Variants in IFIT1 observed in about 807,000 individuals in gnomAD.
The protein encoded by IFIT1 is interferon induced protein with tetratricopeptide repeats 1, also known as antiviral innate immune response effector IFIT1.
In IFIT1, 1 loss-of-function variant was observed where a neutral mutation model predicts 2.5. The ratio of observed to expected loss-of-function variants is 0.40; its 90% CI spans 0.14 to 1.92. The LOEUF (loss-of-function observed/expected upper bound fraction) is 1.92, where lower values mean the gene tolerates loss of function less well. Ranked by LOEUF, IFIT1 falls within the 40% of genes most tolerant of loss-of-function variation. The pLI is 0.31. For missense variants in IFIT1, 508 were observed against 557.8 expected (o/e 0.91, Z 0.90); for synonymous variants, 191 against 201.7 (o/e 0.95, Z 0.45).
Position 89,399,617 on chromosome 10 carries a change from G to C in IFIT1, c.6-2664G>C, listed in dbSNP as rs541195168. On this transcript the variant is annotated intron_variant, in intron 1 of 1. Transcript: ENST00000371804. ...TATCCAGCTTTCCCACACATTTGTTGAAAAGACCATCCTTTCCCCATTAGA... is the reference window on the plus strand; with the variant it reads ...TATCCAGCTTTCCCACACATTTGTTCAAAAGACCATCCTTTCCCCATTAGA... Among the ~76,000 whole-genome samples, 257 of 151,716 alleles carry C rather than the reference G, an allele frequency of 1.7e-3. 2 individuals are homozygous for C. Among genetic ancestry groups the C allele is most frequent in the African/African-American group, 6.0e-3 (249 of 41,276 alleles).
At chr10:89,401,790 G>A (rs200623038) in intron 1 of IFIT1, among the ~76,000 whole-genome samples, 3 of 146,698 alleles carry the variant, frequency 2.0e-5, no homozygotes, top group Non-Finnish European at 1.5e-5. Flanking sequence ...AAAAAAAAAT[G>A]AAAAAAAAAA....
intron 1 of IFIT1, among the ~76,000 whole-genome samples, chr10:89,394,599 TA>T (rs763122646): frequency 0.16 from 4,490 of 27,774 alleles, 429 homozygotes; most frequent in African/African-American, 0.43. Flanking sequence ...TATATATATA[TA>T]TATATATATA....
At chr10:89,393,240 G>GGA in intron 1 of IFIT1, 1 of 1,289,782 alleles carries the variant, frequency 7.8e-7, no homozygotes, top group Non-Finnish European at 1.0e-6. Flanking sequence ...ATAGGCTTCT[G>GGA]GTCTCACTTT....
chr10:89,403,173 A>G lies in IFIT1; in HGVS notation c.898A>G (p.Ile300Val). 1.2e-6 allele frequency: 2 copies of G among 1,613,956 alleles called. No individual in the cohort carries two copies. Among genetic ancestry groups the G allele is most frequent in the South Asian group, 2.2e-5 (2 of 91,076 alleles). The change falls in exon 2 of 2, where the codon ATC (isoleucine) becomes GTC (valine). Residue 300 changes from isoleucine to valine, a missense_variant. By Grantham distance (29) the Ile-to-Val change is conservative. Coordinates refer to ENST00000371804, the MANE Select transcript of IFIT1 (RefSeq NM_001548.5). ...AGGGCTTTGCTACAAGGCACAAATG[A>G]TCCAAATCAAGGAGGCTACAAAAGG... Reference protein sequence around the residue: ...QIGLCYKAQMIQIKEATKGQP... With the variant: ...QIGLCYKAQMVQIKEATKGQP...
At chr10:89,399,205 A>G (rs1844387028) in intron 1 of IFIT1, among the ~76,000 whole-genome samples, 1 of 152,096 alleles carries the variant, frequency 6.6e-6, no homozygotes, top group Non-Finnish European at 1.5e-5. Context: ...TCCTTTGCCC[A>G]TTTCTTAATC....
intron 1 of IFIT1, among the ~76,000 whole-genome samples, chr10:89,394,577 AATATATATATATATATAT>A (rs200060906): frequency 0.039 from 4,214 of 108,656 alleles, 167 homozygotes; most frequent in Admixed American, 0.075. Flanking sequence ...ACTACAGGAA[AATATATATATATATATAT>A]ATATATATAT....
At chr10:89,395,471 C>G (rs1422276600) in intron 1 of IFIT1, among the ~76,000 whole-genome samples, 1 of 152,116 alleles carries the variant, frequency 6.6e-6, no homozygotes, top group African/African-American at 2.4e-5. Flanking sequence ...TCTGTTATTT[C>G]ACATACTATT....
At chr10:89,393,265 T>A in intron 1 of IFIT1, 1 of 1,289,682 alleles carries the variant, frequency 7.8e-7, no homozygotes, top group South Asian at 1.2e-5. Context: ...ACTGCTGGCC[T>A]CTTACAACAG....
chr10:89,400,975 G>A (rs1008907118), intron 1 of IFIT1, among the ~76,000 whole-genome samples: 25 of 151,876 alleles, frequency 1.6e-4, no homozygotes, highest in African/African-American at 6.1e-4. Context: ...TTCATAAAGG[G>A]TGTTGAATTT....
intron 1 of IFIT1, among the ~76,000 whole-genome samples, chr10:89,399,141 T>A (rs1844386231): frequency 1.3e-5 from 2 of 152,238 alleles, no homozygotes; most frequent in Admixed American, 6.5e-5. Flanking sequence ...TGAGCATCTT[T>A]GCATATGTTT....
Position 89,394,577 on chromosome 10 carries a change from A to AAT in IFIT1, c.5+1910_5+1911dup, listed in dbSNP as rs200060906. Among the ~76,000 whole-genome samples, 549 of 108,456 alleles carry AAT rather than the reference A, an allele frequency of 5.1e-3. 4 individuals are homozygous for AAT. The highest frequency in any genetic ancestry group is 7.5e-3 in the Non-Finnish European group (417 of 55,472). 71.2% of individuals were successfully genotyped at this position (108,456 alleles called of 152,430 possible). The stretch of plus-strand genomic sequence containing the variant: ...TTTATGTCAATATGTACTACAGGAA[A>AAT]ATATATATATATATATATATATATA... On this transcript the variant is annotated intron_variant, in intron 1 of 1. Coordinates refer to ENST00000371804, the MANE Select transcript of IFIT1 (RefSeq NM_001548.5).
chr10:89,393,685 G>A (rs1485595294), intron 1 of IFIT1, among the ~76,000 whole-genome samples: 1 of 152,184 alleles, frequency 6.6e-6, no homozygotes, highest in African/African-American at 2.4e-5. Context: ...AGCTGAGATT[G>A]TACCACTGCA....
In IFIT1 at chr10:89,399,871, C is replaced by G. The variant is rs569347983; in HGVS notation, c.6-2410C>G. Among the ~76,000 whole-genome samples the G allele has an allele frequency of 4.6e-5, 7 of 152,320 alleles. No individual in the cohort carries two copies. In the South Asian group the frequency reaches 1.5e-3, roughly 32 times the overall value. ...CCTTAGACACCAAAGCTCACTCTCT[C>G]TCTCTCTGTGCCACTGAGGAAAGGC... is the stretch of plus-strand genomic sequence containing the variant. On this transcript the variant is annotated intron_variant, in intron 1 of 1. Coordinates refer to ENST00000371804, the MANE Select transcript of IFIT1 (RefSeq NM_001548.5).
chr10:89,402,464 C>A lies in IFIT1; in HGVS notation c.189C>A (p.His63Gln), dbSNP rs201864858. 8.1e-6 allele frequency: 13 copies of A among 1,614,052 alleles called. No individual in the cohort carries two copies. The highest frequency in any genetic ancestry group is 1.7e-5 in the Admixed American group (1 of 60,002). Residue 63 changes from histidine to glutamine, a missense_variant, in exon 2 of 2, where the codon CAC (histidine) becomes CAA (glutamine). Coordinates refer to ENST00000371804, the MANE Select transcript of IFIT1 (RefSeq NM_001548.5). ...ACAACCTACTAGCCTATGTGAAACA[C>A]CTGAAAGGCCAGAATGAGGAAGCCC... is the stretch of plus-strand genomic sequence containing the variant. ...GIHNLLAYVK[H>Q]LKGQNEEALK...
At position 89,403,780 on chromosome 10, in the gene IFIT1, T is replaced by G; in HGVS notation, c.*68T>G. The G allele has an allele frequency of 1.2e-6, 1 of 844,182 alleles. No individual in the cohort carries two copies. 52.3% of individuals were successfully genotyped at this position (844,182 alleles called of 1,614,324 possible). ...GCTAACATTTACTAATCATCTTTTC[T>G]GCTTACTGTTTTCAGAAACATTATA... On this transcript the variant is annotated 3_prime_UTR_variant, in exon 2 of 2. Coordinates refer to ENST00000371804, the MANE Select transcript of IFIT1 (RefSeq NM_001548.5).
At position 89,402,318 on chromosome 10, in the gene IFIT1, G is replaced by A; in HGVS notation, c.43G>A (p.Glu15Lys). The change falls in exon 2 of 2, where the codon GAG becomes AAG. Residue 15 changes from glutamate (E) to lysine (K), a missense_variant. Coordinates refer to ENST00000371804, the MANE Select transcript of IFIT1 (RefSeq NM_001548.5). ...TGATCATCAGGTCAAGGATAGTCTG[G>A]AGCAATTGAGATGTCACTTTACATG... is the stretch of plus-strand genomic sequence containing the variant. The part of the protein sequence containing the change: ...GDDHQVKDSL[E>K]QLRCHFTWEL... 6.2e-7 allele frequency: 1 copy of A among 1,613,768 alleles called. No homozygotes were observed. Among genetic ancestry groups the A allele is most frequent in the Non-Finnish European group, 8.5e-7 (1 of 1,179,788 alleles).
intron 1 of IFIT1, among the ~76,000 whole-genome samples, chr10:89,395,313 AG>A (rs556655518): frequency 1.3e-5 from 2 of 152,012 alleles, no homozygotes; most frequent in Non-Finnish European, 2.9e-5. Flanking sequence ...AAACCCACCT[AG>A]GTAACGCCCT....
rs1844460490 is a variant in IFIT1, at chr10:89,402,989, G to A, written c.714G>A (p.Lys238=). 1 of 1,614,124 alleles carries A rather than the reference G, an allele frequency of 6.2e-7. No individual in the cohort carries two copies. The highest frequency in any genetic ancestry group is 8.5e-7 in the Non-Finnish European group (1 of 1,180,026). The stretch of plus-strand genomic sequence containing the variant: ...AAGGACAGGAAGCTGAAGGAGAAAA[G>A]TACATTGAAGAAGCTCTAGCCAACA... ...QDEGQEAEGE[K]YIEEALANMS... The change falls in exon 2 of 2, where the codon AAG becomes AAA. Residue 238 remains lysine, a synonymous_variant. Coordinates refer to ENST00000371804, the MANE Select transcript of IFIT1 (RefSeq NM_001548.5).
intron 1 of IFIT1, among the ~76,000 whole-genome samples, chr10:89,394,799 C>T (rs929594387): frequency 4.0e-5 from 6 of 151,652 alleles, no homozygotes; most frequent in African/African-American, 1.2e-4. Context: ...ACATTTTTCT[C>T]GCTATGTGGA....
Sources: allele counts gnomAD v4.1 joint callset (sites outside exome capture counted in the v4.1 genomes callset), GRCh38; gene constraint gnomAD v4.1.1; transcripts MANE v1.5; gene names NCBI Gene and HGNC (gene_info 2026-07-23, HGNC 2026-07-21).